BIRC6: variants seen among roughly 807,000 people sequenced by gnomAD.
The protein encoded by BIRC6 is baculoviral IAP repeat containing 6, also known as dual E2 ubiquitin-conjugating enzyme/E3 ubiquitin-protein ligase BIRC6.
Under a neutral mutation model 503.3 loss-of-function variants are expected in BIRC6, and 98 were observed. The ratio of observed to expected loss-of-function variants is 0.19; its 90% CI spans 0.17 to 0.23. The LOEUF (loss-of-function observed/expected upper bound fraction) is 0.23. Among genes scored for constraint, BIRC6 ranks in the 10% least tolerant of loss-of-function variants. BIRC6 has a pLI of 1.00. For synonymous variants in BIRC6, 2,240 were observed against 2,078.7 expected, an observed-to-expected ratio of 1.08 and a Z score of -2.11; for missense variants, 5,360 against 5,806.0, an observed-to-expected ratio of 0.92 and a Z score of 2.50.
chr2:32,470,382 C>CTTTGCAGCACA (rs1297778461), intron 31 of BIRC6, 81 bp downstream of exon 31: 1 of 1,262,930 alleles, frequency 7.9e-7, no homozygotes, highest in African/African-American at 1.6e-5. Flanking sequence ...CTCTGAAATA[C>CTTTGCAGCACA]TTTAATAATT....
At chr2:32,488,301 T>TA (rs753342591) in intron 41 of BIRC6, among the ~76,000 whole-genome samples, 413 of 142,132 alleles carry the variant, frequency 2.9e-3, no homozygotes, top group African/African-American at 5.4e-3. Context: ...TTGTCTCAAA[T>TA]AAAAAAAAAA....
Position 32,594,018 on chromosome 2 carries a change from A to G in BIRC6, c.13459A>G (p.Ile4487Val), listed in dbSNP as rs760205730. 4.0e-5 allele frequency: 64 copies of G among 1,613,332 alleles called. No homozygotes were observed. Among genetic ancestry groups the G allele is most frequent in the Admixed American group, 1.2e-4 (7 of 59,958 alleles). The change falls in exon 67 of 74, where the codon ATA becomes GTA. Residue 4487 changes from isoleucine to valine, a missense_variant. Transcript: ENST00000421745. ...ACCAGACATCCAAAAGACTGCTGAG[A>G]TAGTTTATGCAGCCACCACCAGTTT... ...LVPDIQKTAE[I>V]VYAATTSLRQ... is the part of the protein sequence containing the mutation.
At chr2:32,525,145 A>C in intron 58 of BIRC6, 126 bp downstream of exon 58, 1 of 859,416 alleles carries the variant, frequency 1.2e-6, no homozygotes, top group Non-Finnish European at 1.7e-6. Flanking sequence ...ATGATGTTTT[A>C]ATACTAGATT....
chr2:32,602,976 A>T (rs1306977804), intron 70 of BIRC6, 30 bp from the exon 71 acceptor site: 3 of 1,569,830 alleles, frequency 1.9e-6, no homozygotes, highest in Admixed American at 4.0e-5. Flanking sequence ...CTCTTTTTTC[A>T]ATTCTGTTTA....
chr2:32,362,856 T>G (rs978076878), intron 1 of BIRC6, among the ~76,000 whole-genome samples: 8 of 152,172 alleles, frequency 5.3e-5, no homozygotes, highest in African/African-American at 1.9e-4. Context: ...CCTGTCTAAA[T>G]TTTTAAACAC....
At chr2:32,363,100 G>A (rs931755308) in intron 1 of BIRC6, among the ~76,000 whole-genome samples, 3 of 152,170 alleles carry the variant, frequency 2.0e-5, no homozygotes, top group African/African-American at 4.8e-5. Flanking sequence ...GGAGGCTGAG[G>A]CAGGAGGATC....
intron 26 of BIRC6, among the ~76,000 whole-genome samples, chr2:32,466,664 C>G (rs537037538): frequency 6.6e-6 from 1 of 152,026 alleles, no homozygotes; most frequent in Non-Finnish European, 1.5e-5. Context: ...GCAGATTGAT[C>G]CTTTACAAAA....
In BIRC6 at chr2:32,487,687, G is replaced by T; in HGVS notation, c.7854G>T (p.Gly2618=). 1 of 1,613,592 alleles carries T rather than the reference G, an allele frequency of 6.2e-7. No homozygotes were observed. The highest frequency in any genetic ancestry group is 8.5e-7 in the Non-Finnish European group (1 of 1,179,722). ...CTGGAACAGATGATTCACTTCTAGGGGGTTTACAAGCAGCAAACCAAACCA... is the reference window on the plus strand; with the variant it reads ...CTGGAACAGATGATTCACTTCTAGGTGGTTTACAAGCAGCAAACCAAACCA... The part of the protein sequence containing the change: ...SPTGTDDSLL[G]GLQAANQTSQ... The change falls in exon 41 of 74, where the codon GGG becomes GGT. Residue 2618 remains glycine, a synonymous_variant. Coordinates refer to ENST00000421745, the MANE Select transcript of BIRC6 (RefSeq NM_016252.4).
At chr2:32,378,715 C>T (rs1183408353) in intron 2 of BIRC6, among the ~76,000 whole-genome samples, 1 of 152,194 alleles carries the variant, frequency 6.6e-6, no homozygotes, top group African/African-American at 2.4e-5. Flanking sequence ...CCTCAGCCTC[C>T]CAAAGTGCTG....
At chr2:32,432,845 T>C (rs2044289245) in intron 12 of BIRC6, among the ~76,000 whole-genome samples, 1 of 151,936 alleles carries the variant, frequency 6.6e-6, no homozygotes. Flanking sequence ...GTATAATTTA[T>C]ATTTTACAAA....
At position 32,470,218 on chromosome 2, in the gene BIRC6, G is replaced by A. The variant is rs1352760713; in HGVS notation, c.6398G>A (p.Gly2133Glu). The A allele has an allele frequency of 1.3e-6, 2 of 1,572,626 alleles. No homozygotes were observed. The highest frequency in any genetic ancestry group is 2.3e-5 in the East Asian group (1 of 43,578). ...GGTCAAAGATCACTTAGTAATAGTG[G>A]AGTATTAGAAAGCTTACTTAATCTC... The part of the protein sequence containing the change: ...CIGQRSLSNS[G>E]VLESLLNLLD... Residue 2133 changes from glycine (G) to glutamate (E), a missense_variant, in exon 31 of 74, where the codon GGA becomes GAA. Physicochemically the swap from Gly to Glu is moderately conservative, Grantham distance 98. This residue lies in a region of BIRC6 where 2,299 missense variants were observed against 2,267.2 expected (regional missense o/e 1.01). Transcript: ENST00000421745.
rs762285764 is a variant in BIRC6 at position 32,515,390 on chromosome 2, A to G, written c.10969A>G (p.Ile3657Val). 9.3e-6 allele frequency: 15 copies of G among 1,613,472 alleles called. No homozygotes were observed. In the Middle Eastern group the frequency reaches 4.9e-4, roughly 53 times the overall value. Residue 3657 changes from isoleucine (I) to valine (V), a missense_variant, in exon 55 of 74, where the codon ATA becomes GTA. Physicochemically the swap from Ile to Val is conservative, Grantham distance 29 (BLOSUM62 3). Transcript: ENST00000421745. The stretch of plus-strand genomic sequence containing the variant: ...TAGCTCAGAAAGCATTGCCCAGTCA[A>G]TAGATATTTCCCAGGACAAACTCAG... Reference protein sequence around the residue: ...ISSSESIAQSIDISQDKLRRH... With the variant: ...ISSSESIAQSVDISQDKLRRH...
chr2:32,573,945 G>C (rs977729973), intron 65 of BIRC6, among the ~76,000 whole-genome samples: 29 of 152,028 alleles, frequency 1.9e-4, no homozygotes, highest in African/African-American at 6.8e-4. Context: ...AATATAACTA[G>C]ATATTTAGTT....
At chr2:32,482,912 T>G (rs1055543890) in intron 39 of BIRC6, among the ~76,000 whole-genome samples, 1 of 151,738 alleles carries the variant, frequency 6.6e-6, no homozygotes, top group African/African-American at 2.4e-5. Flanking sequence ...ATAAGTATTA[T>G]TTTTGCAGTT....
chr2:32,377,942 A>G (rs1408851325), intron 2 of BIRC6, among the ~76,000 whole-genome samples, 173 bp downstream of exon 2: 3 of 152,212 alleles, frequency 2.0e-5, no homozygotes, highest in South Asian at 2.1e-4. Flanking sequence ...TTTTCTCTGC[A>G]TAATTAATTC....
intron 11 of BIRC6, 55 bp from the exon 12 acceptor site, chr2:32,430,805 CTTTTT>C: frequency 8.6e-4 from 415 of 483,184 alleles, no homozygotes; most frequent in Middle Eastern, 1.3e-3. Flanking sequence ...TCATTGTCTT[CTTTTT>C]TTTTTTTTTT....
intron 62 of BIRC6, among the ~76,000 whole-genome samples, chr2:32,545,332 C>G (rs891478220): frequency 1.3e-5 from 2 of 152,084 alleles, no homozygotes; most frequent in African/African-American, 4.8e-5. Context: ...ACTAATGCTT[C>G]TTTTCTATTG....
intron 1 of BIRC6, among the ~76,000 whole-genome samples, chr2:32,365,793 G>C (rs1162236705): frequency 6.6e-6 from 1 of 152,000 alleles, no homozygotes; most frequent in Non-Finnish European, 1.5e-5. Context: ...TTGGAGCTTG[G>C]TTGCAGTATT....
At chr2:32,378,492 C>T (rs922596526) in intron 2 of BIRC6, among the ~76,000 whole-genome samples, 5 of 151,248 alleles carry the variant, frequency 3.3e-5, no homozygotes, top group Non-Finnish European at 5.9e-5. Context: ...GAGTCTTGCT[C>T]TGTCACCCAG....
Sources: gnomAD v4.1 joint callset for allele counts (sites outside exome capture counted in the v4.1 genomes callset) on GRCh38, gnomAD v4.1.1 for gene constraint, gnomAD v4.1.1 regional missense constraint, MANE v1.5 for transcripts, NCBI Gene and HGNC (gene_info 2026-07-23, HGNC 2026-07-21) for gene names.